Variants in PRKCE observed in about 807,000 individuals in gnomAD.
PRKCE encodes the protein protein kinase C epsilon type.
A neutral mutation model predicts 85.4 loss-of-function variants in PRKCE; 16 were observed. The observed-to-expected ratio is 0.19, with a 90% CI of 0.13 to 0.28. The LOEUF (loss-of-function observed/expected upper bound fraction) is 0.28. Among genes scored for constraint, PRKCE ranks in the 10% least tolerant of loss-of-function variants. The pLI is 1.00. For missense variants in PRKCE, 573 were observed against 975.2 expected (o/e 0.59, Z 5.49); for synonymous variants, 388 against 371.5 (o/e 1.04, Z -0.51).
intron 2 of PRKCE, among the ~76,000 whole-genome samples, chr2:45,974,914 A>G (rs949172881): frequency 1.3e-5 from 2 of 152,168 alleles, no homozygotes; most frequent in African/African-American, 2.4e-5. Context: ...GAAGAAGCCC[A>G]AAGCCTGCCC....
In PRKCE at chr2:46,088,641, G is replaced by A. The variant is rs547096809; in HGVS notation, c.1592+2279G>A. ...TTGACTTCAGTTAATGGTCTGAATG[G>A]CCTTAATCCCTATCCTCAAAGCAAT... On this transcript the variant is annotated intron_variant, in intron 11 of 14. Transcript: ENST00000306156. Among the ~76,000 whole-genome samples, 12 of 152,210 alleles carry A rather than the reference G, an allele frequency of 7.9e-5. No individual in the cohort carries two copies. In the South Asian group the frequency reaches 2.5e-3, roughly 32 times the overall value.
intron 1 of PRKCE, among the ~76,000 whole-genome samples, chr2:45,834,035 G>GT (rs1690650365): frequency 6.6e-6 from 1 of 152,154 alleles, no homozygotes; most frequent in South Asian, 2.1e-4. Flanking sequence ...AGAGTTATTC[G>GT]TTTTTAGCTA....
At chr2:45,778,996 A>G (rs1685973121) in intron 1 of PRKCE, among the ~76,000 whole-genome samples, 1 of 152,234 alleles carries the variant, frequency 6.6e-6, no homozygotes, top group South Asian at 2.1e-4. Context: ...ACGCAGAACG[A>G]TTGAAACAGG....
chr2:45,790,999 T>C (rs1558675374), intron 1 of PRKCE, among the ~76,000 whole-genome samples: 1 of 152,220 alleles, frequency 6.6e-6, no homozygotes, highest in East Asian at 1.9e-4. Flanking sequence ...TCCAGACCTT[T>C]GAAAAGGGAA....
chr2:45,825,225 G>A (rs1470791652), intron 1 of PRKCE, among the ~76,000 whole-genome samples: 1 of 152,164 alleles, frequency 6.6e-6, no homozygotes, highest in Admixed American at 6.5e-5. Flanking sequence ...CACCTTGTGG[G>A]GAACTTGTGG....
intron 11 of PRKCE, among the ~76,000 whole-genome samples, chr2:46,116,648 A>T (rs1028620260): frequency 6.6e-5 from 10 of 152,058 alleles, no homozygotes; most frequent in Non-Finnish European, 1.3e-4. Context: ...AGCCAAGTTC[A>T]TGGTTTATAC....
intron 2 of PRKCE, among the ~76,000 whole-genome samples, chr2:45,929,333 C>T (rs894442977): frequency 9.2e-5 from 14 of 152,192 alleles, no homozygotes; most frequent in Non-Finnish European, 1.3e-4. Context: ...AGAGCGATAG[C>T]GGAGCCGTTC....
chr2:45,778,473 C>T (rs917284222), intron 1 of PRKCE, among the ~76,000 whole-genome samples: 6 of 152,168 alleles, frequency 3.9e-5, no homozygotes, highest in Non-Finnish European at 8.8e-5. Context: ...AAGGTTTGGA[C>T]TTCTGGCAGG....
intron 11 of PRKCE, among the ~76,000 whole-genome samples, chr2:46,111,482 A>G (rs549051933): frequency 2.7e-4 from 41 of 152,172 alleles, no homozygotes; most frequent in Non-Finnish European, 5.1e-4. Context: ...CCTTTTAACA[A>G]TCATCCCCTA....
intron 1 of PRKCE, among the ~76,000 whole-genome samples, chr2:45,842,416 A>G (rs61763781): frequency 0.77 from 117,408 of 152,090 alleles, 45,404 homozygotes; most frequent in Admixed American, 0.82. Flanking sequence ...GATAAACGCC[A>G]TAAAAGCAGG....
chr2:45,946,676 C>A (rs759536375), intron 2 of PRKCE, among the ~76,000 whole-genome samples: 2 of 152,104 alleles, frequency 1.3e-5, no homozygotes, highest in Non-Finnish European at 2.9e-5. Context: ...GAATTAAAAG[C>A]CAGAGGAACC....
At chr2:45,778,404 G>GA (rs1237302797) in intron 1 of PRKCE, among the ~76,000 whole-genome samples, 1 of 152,146 alleles carries the variant, frequency 6.6e-6, no homozygotes, top group Non-Finnish European at 1.5e-5. Flanking sequence ...CCCTGATGGG[G>GA]AGATCCTCAT....
chr2:46,003,265 T>A (rs1031516894), intron 7 of PRKCE, among the ~76,000 whole-genome samples: 10 of 152,210 alleles, frequency 6.6e-5, no homozygotes, highest in African/African-American at 2.4e-4. Context: ...TTGCAACTAG[T>A]CCATCATCCA....
intron 6 of PRKCE, among the ~76,000 whole-genome samples, chr2:45,994,676 C>G (rs1205020414): frequency 6.6e-6 from 1 of 152,160 alleles, no homozygotes; most frequent in African/African-American, 2.4e-5. Flanking sequence ...CATAGTTTAT[C>G]CGTTCACCTA....
intron 2 of PRKCE, among the ~76,000 whole-genome samples, chr2:45,887,047 G>T (rs1177782157): frequency 6.6e-6 from 1 of 152,204 alleles, no homozygotes; most frequent in East Asian, 1.9e-4. Context: ...CAGGAGTATT[G>T]CTCCTTCTTG....
chr2:45,889,225 G>T (rs1015229764), intron 2 of PRKCE, among the ~76,000 whole-genome samples: 3 of 152,250 alleles, frequency 2.0e-5, no homozygotes, highest in Admixed American at 6.5e-5. Flanking sequence ...GTGCAGGAGA[G>T]CTGACAGCTG....
At position 45,825,664 on chromosome 2, in the gene PRKCE, G is replaced by A. The variant is rs550471963; in HGVS notation, c.349-17336G>A. On this transcript the variant is annotated intron_variant, in intron 1 of 14. Coordinates refer to ENST00000306156, the MANE Select transcript of PRKCE (RefSeq NM_005400.3). ...TTTGGGAGGCCAAGAGAGGAGGATC[G>A]CTTGAAGCCAGGAGTTCGAGACCAG... Among the ~76,000 whole-genome samples the A allele has an allele frequency of 6.6e-5, 10 of 152,180 alleles. No individual in the cohort carries two copies. In the South Asian group the frequency reaches 1.9e-3, roughly 28 times the overall value.
At chr2:46,125,088 G>A (rs990767257) in intron 11 of PRKCE, among the ~76,000 whole-genome samples, 1 of 152,148 alleles carries the variant, frequency 6.6e-6, no homozygotes, top group Non-Finnish European at 1.5e-5. Flanking sequence ...TTACTGCCAT[G>A]CTTAGTTATA....
chr2:46,016,347 G>A (rs1004107677), intron 10 of PRKCE, among the ~76,000 whole-genome samples: 2 of 151,330 alleles, frequency 1.3e-5, no homozygotes, highest in African/African-American at 4.9e-5. Flanking sequence ...GTGTAGATGA[G>A]CTGGCGGTTC....
Sources: gnomAD v4.1 joint callset for allele counts (sites outside exome capture counted in the v4.1 genomes callset) on GRCh38, gnomAD v4.1.1 for gene constraint, MANE v1.5 for transcripts, NCBI Gene and HGNC (gene_info 2026-07-23, HGNC 2026-07-21) for gene names.